Variants in DMD observed in about 807,000 individuals in gnomAD.
DMD encodes dystrophin.
A neutral mutation model predicts 330.1 loss-of-function variants in DMD; 63 were observed. The observed-to-expected ratio is 0.19, with a 90% CI of 0.16 to 0.24. The LOEUF (loss-of-function observed/expected upper bound fraction) is 0.24. Among genes scored for constraint, DMD ranks in the 10% least tolerant of loss-of-function variants. The pLI, the probability that DMD is intolerant of heterozygous loss-of-function variation, is 1.00. For synonymous variants in DMD, 1,223 were observed against 959.8 expected (o/e 1.27, Z -5.07); for missense variants, 3,344 against 2,684.1 (o/e 1.25, Z -5.43).
At chrX:32,669,528 T>G (rs899774527) in intron 9 of DMD, among the ~76,000 whole-genome samples, 4 of 111,812 alleles carry the variant, frequency 3.6e-5, no homozygotes, top group African/African-American at 1.3e-4. Context: ...TGATTGTACT[T>G]TTTTTCTCTG....
chrX:31,310,459 T>C (rs1396564723), intron 62 of DMD, among the ~76,000 whole-genome samples: 1 of 110,395 alleles, frequency 9.1e-6, no homozygotes, highest in Non-Finnish European at 1.9e-5. Context: ...ACAATTAATC[T>C]AGCCTTTATT....
chrX:31,813,256 T>C (rs776177382), intron 50 of DMD, among the ~76,000 whole-genome samples: 11 of 112,012 alleles, frequency 9.8e-5, no homozygotes, highest in African/African-American at 3.6e-4. Context: ...GGAACATGCA[T>C]TGGAGGTGTC....
chrX:31,453,610 T>C (rs1440945637), intron 59 of DMD, among the ~76,000 whole-genome samples: 4 of 110,172 alleles, frequency 3.6e-5, no homozygotes, highest in Non-Finnish European at 7.6e-5. Flanking sequence ...GTAAACTTCA[T>C]GTAATTTGTA....
intron 52 of DMD, among the ~76,000 whole-genome samples, chrX:31,682,409 G>A (rs1295742646): frequency 9.0e-6 from 1 of 111,568 alleles, no homozygotes; most frequent in Non-Finnish European, 1.9e-5. Flanking sequence ...ACTAGGTAGT[G>A]GAACAGCTTT....
At chrX:31,773,724 C>CTTTTTTTTTTTTTTTTTTTT (rs762551529) in intron 51 of DMD, among the ~76,000 whole-genome samples, 3 of 53,552 alleles carry the variant, frequency 5.6e-5, no homozygotes, top group African/African-American at 2.3e-4. Context: ...AAGGTTTCTG[C>CTTTTTTTTTTTTTTTTTTTT]TTTTTTTTTT....
At chrX:31,622,293 C>T (rs920219477) in intron 55 of DMD, among the ~76,000 whole-genome samples, 2 of 109,208 alleles carry the variant, frequency 1.8e-5, no homozygotes, top group South Asian at 3.9e-4. Flanking sequence ...ATTTCCACAC[C>T]GACAGACACA....
At chrX:32,480,633 C>CAT (rs2041790997) in intron 21 of DMD, among the ~76,000 whole-genome samples, 1 of 105,687 alleles carries the variant, frequency 9.5e-6, no homozygotes, top group East Asian at 2.8e-4. Flanking sequence ...TATATATGTA[C>CAT]ATACGTATAT....
At position 32,528,809 on chromosome X, in the gene DMD, C is replaced by A. The variant is rs780144177; in HGVS notation, c.2169-10678G>T. ...TCCCAGGTCTTTAGACAAACTCAAC[C>A]AATTGTCAACCAGAAAATGTTTAAA... On this transcript the variant is annotated intron_variant, in intron 17 of 78. Coordinates refer to ENST00000357033, the MANE Select transcript of DMD (RefSeq NM_004006.3). Among the ~76,000 whole-genome samples, 33 of 110,813 alleles carry A rather than the reference C, an allele frequency of 3.0e-4. 1 individual carries two copies. Among genetic ancestry groups the A allele is most frequent in the Middle Eastern group, 9.3e-3 (2 of 215 alleles).
At chrX:33,139,709 G>C (rs1206323577) in intron 1 of DMD, among the ~76,000 whole-genome samples, 1 of 109,048 alleles carries the variant, frequency 9.2e-6, no homozygotes, top group Non-Finnish European at 1.9e-5. Flanking sequence ...CCATGATTTT[G>C]AGCTTCCTGA....
At chrX:32,482,669 A>C (rs2042016257) in intron 21 of DMD, among the ~76,000 whole-genome samples, 1 of 111,257 alleles carries the variant, frequency 9.0e-6, no homozygotes, top group South Asian at 3.8e-4. Flanking sequence ...AGTTATTCAA[A>C]CCCCATTAGC....
At chrX:32,243,213 T>A (rs1249421817) in intron 43 of DMD, among the ~76,000 whole-genome samples, 1 of 110,329 alleles carries the variant, frequency 9.1e-6, no homozygotes, top group East Asian at 2.9e-4. Context: ...TTCTGTAGCG[T>A]AATAATAAAA....
intron 1 of DMD, among the ~76,000 whole-genome samples, chrX:33,225,200 T>C (rs2052263792): frequency 8.9e-6 from 1 of 111,735 alleles, no homozygotes. Context: ...GAAAAATTTA[T>C]GTGAAAAGGC....
chrX:32,182,853 A>G (rs2096932091), intron 44 of DMD, among the ~76,000 whole-genome samples: 1 of 111,662 alleles, frequency 9.0e-6, no homozygotes. Flanking sequence ...TTTGCCCTGT[A>G]TCTTTTGCTA....
intron 43 of DMD, among the ~76,000 whole-genome samples, chrX:32,217,530 G>T (rs2097117197): frequency 9.0e-6 from 1 of 110,982 alleles, no homozygotes. Flanking sequence ...ATCCAAAACT[G>T]CCTGTTCATC....
chrX:32,358,581 A>C (rs915459263), intron 37 of DMD, among the ~76,000 whole-genome samples: 4 of 112,134 alleles, frequency 3.6e-5, no homozygotes, highest in African/African-American at 1.3e-4. Flanking sequence ...CCTTAATAAA[A>C]TGGGAAAAGG....
intron 9 of DMD, among the ~76,000 whole-genome samples, chrX:32,658,871 G>T (rs147869986): frequency 2.7e-5 from 3 of 111,733 alleles, no homozygotes; most frequent in Non-Finnish European, 5.6e-5. Flanking sequence ...TCAGGTTCTG[G>T]AATTTATAGG....
intron 4 of DMD, among the ~76,000 whole-genome samples, chrX:32,843,779 G>T (rs1052426508): frequency 9.0e-6 from 1 of 111,720 alleles, no homozygotes; most frequent in African/African-American, 3.3e-5. Context: ...AAGGAAGGCT[G>T]CCTCCAATGC....
At chrX:31,192,907 C>T (rs891425900) in intron 67 of DMD, among the ~76,000 whole-genome samples, 2 of 111,895 alleles carry the variant, frequency 1.8e-5, no homozygotes, top group Non-Finnish European at 3.8e-5. Flanking sequence ...GGACAATTTC[C>T]AGGTGAATAT....
At chrX:32,236,092 C>T (rs1283993414) in intron 43 of DMD, among the ~76,000 whole-genome samples, 5 of 111,823 alleles carry the variant, frequency 4.5e-5, no homozygotes, top group Non-Finnish European at 7.5e-5. Context: ...AGGATTTCCT[C>T]CTCAGCAATG....
Sources: allele counts gnomAD v4.1 joint callset (sites outside exome capture counted in the v4.1 genomes callset), GRCh38; gene constraint gnomAD v4.1.1; transcripts MANE v1.5; gene names NCBI Gene and HGNC (gene_info 2026-07-23, HGNC 2026-07-21).